Variants in CADPS2 observed in about 807,000 individuals in gnomAD.
CADPS2 encodes calcium-dependent secretion activator 2.
CADPS2 carries 93 observed loss-of-function variants against 172.5 expected under a neutral mutation model. That is an observed-to-expected ratio of 0.54 (90% confidence interval 0.46 to 0.64). CADPS2 has a LOEUF of 0.64. Ranked by LOEUF, CADPS2 falls within the 30% of genes least tolerant of loss-of-function variation. CADPS2 has a pLI of 0.00. For synonymous variants in CADPS2, 546 were observed against 555.2 expected (o/e 0.98, Z 0.23); for missense variants, 1,420 against 1,565.9 (o/e 0.91, Z 1.57).
intron 1 of CADPS2, chr7:122,849,820 C>T (rs1366832268): frequency 5.5e-6 from 3 of 548,212 alleles, no homozygotes; most frequent in Non-Finnish European, 1.1e-5. Flanking sequence ...TCAGCACCAT[C>T]AACTATGATG....
At chr7:122,424,793 G>C (rs1289627191) in intron 17 of CADPS2, among the ~76,000 whole-genome samples, 2 of 145,402 alleles carry the variant, frequency 1.4e-5, no homozygotes, top group African/African-American at 5.1e-5. Context: ...AGCTCTCACA[G>C]GGACGAATAT....
intron 1 of CADPS2, among the ~76,000 whole-genome samples, chr7:122,764,557 C>T (rs1297578297): frequency 6.6e-6 from 1 of 150,602 alleles, no homozygotes; most frequent in Non-Finnish European, 1.5e-5. Flanking sequence ...TGTGTAAACA[C>T]AGTGTAAGAT....
intron 27 of CADPS2, among the ~76,000 whole-genome samples, chr7:122,353,109 A>G (rs769662321): frequency 7.2e-5 from 11 of 152,092 alleles, no homozygotes; most frequent in Non-Finnish European, 1.3e-4. Flanking sequence ...TGCAGAAGTG[A>G]TTGTGTTTTT....
Position 122,345,686 on chromosome 7 carries a change from T to G in CADPS2, c.3505-5A>C, listed in dbSNP as rs756040315. The stretch of plus-strand genomic sequence containing the variant: ...TGCCAGATCCATTCCTGGTTTCTGT[T>G]GTGAAGGAAAAGCAGGGGGAACAAA... On this transcript the variant is annotated splice_polypyrimidine_tract_variant and splice_region_variant and intron_variant, in intron 27 of 29. Coordinates refer to ENST00000449022, the MANE Select transcript of CADPS2 (RefSeq NM_017954.11). 1.3e-6 allele frequency: 2 copies of G among 1,581,618 alleles called. No homozygotes were observed. Among genetic ancestry groups the G allele is most frequent in the Admixed American group, 1.7e-5 (1 of 58,366 alleles).
At chr7:122,853,896 C>G (rs888770677) in intron 1 of CADPS2, among the ~76,000 whole-genome samples, 2 of 152,154 alleles carry the variant, frequency 1.3e-5, no homozygotes, top group African/African-American at 4.8e-5. Flanking sequence ...CAAGCATTCT[C>G]TTACTTGGCG....
chr7:122,681,205 C>T, intron 2 of CADPS2: 3 of 638,960 alleles, frequency 4.7e-6, no homozygotes, highest in Non-Finnish European at 8.4e-6. Flanking sequence ...GTGCAGTGCA[C>T]CAGCATGGCA....
intron 1 of CADPS2, among the ~76,000 whole-genome samples, chr7:122,763,314 A>G (rs2138824840): frequency 6.6e-6 from 1 of 152,312 alleles, no homozygotes; most frequent in Middle Eastern, 3.4e-3. Context: ...TCCTCCCCAG[A>G]AAGAAAGAAA....
intron 3 of CADPS2, among the ~76,000 whole-genome samples, chr7:122,656,843 A>T (rs753268447): frequency 4.8e-4 from 73 of 152,250 alleles, no homozygotes; most frequent in African/African-American, 9.4e-4. Flanking sequence ...TTGGCTTTTG[A>T]CGCCATTGCT....
In CADPS2 at chr7:122,477,078, GA is replaced by G. The variant is rs2056779773; in HGVS notation, c.1862-2562del. On this transcript the variant is annotated intron_variant, in intron 12 of 29. Coordinates refer to ENST00000449022, the MANE Select transcript of CADPS2 (RefSeq NM_017954.11). Reference sequence around the variant, plus strand: ...AGAGAGAGAGAGAGAGAGAGAGAGAGAGAGGGAGAGAGAGAGGTAGGTAGAT... The same window carrying G: ...AGAGAGAGAGAGAGAGAGAGAGAGAGGAGGGAGAGAGAGAGGTAGGTAGAT... Among the ~76,000 whole-genome samples, 22 of 150,166 alleles carry G rather than the reference GA, an allele frequency of 1.5e-4. No homozygotes were observed. The East Asian group carries it at 2.4e-3, about 16-fold the overall frequency.
intron 2 of CADPS2, among the ~76,000 whole-genome samples, chr7:122,732,490 C>T (rs538987009): frequency 4.7e-5 from 7 of 149,728 alleles, no homozygotes; most frequent in East Asian, 3.9e-4. Flanking sequence ...GTATATACTA[C>T]GAGTACAAAG....
chr7:122,379,350 G>A lies in CADPS2; in HGVS notation c.3387+18C>T, dbSNP rs1419693672. 1 of 1,476,632 alleles carries A rather than the reference G, an allele frequency of 6.8e-7. No homozygotes were observed. The allele number at this position is 1,476,632 out of a possible 1,614,324, so 91.5% of individuals were successfully genotyped here. ...ATTTTTCACTTTGATTTAAAAAGGT[G>A]AATAAATAATACATTACCTTTGAAA... On this transcript the variant is annotated intron_variant, in intron 25 of 29. Transcript: ENST00000449022.
intron 2 of CADPS2, among the ~76,000 whole-genome samples, chr7:122,699,998 C>T (rs373184579): frequency 2.0e-5 from 3 of 152,166 alleles, no homozygotes; most frequent in East Asian, 1.9e-4. Context: ...GAAGATTCCA[C>T]AGGCTCTGTC....
intron 6 of CADPS2, among the ~76,000 whole-genome samples, chr7:122,605,885 T>C (rs2073458913): frequency 6.6e-6 from 1 of 152,146 alleles, no homozygotes; most frequent in Non-Finnish European, 1.5e-5. Context: ...TTAATTTTAA[T>C]CCAGGATTTT....
At chr7:122,405,491 C>T (rs570895200) in intron 20 of CADPS2, among the ~76,000 whole-genome samples, 7 of 152,124 alleles carry the variant, frequency 4.6e-5, no homozygotes, top group African/African-American at 1.7e-4. Context: ...GGTGGAACCC[C>T]GTCTCTACCA....
At chr7:122,415,909 G>C (rs1351161984) in intron 18 of CADPS2, 152 bp downstream of exon 18, 2 of 472,356 alleles carry the variant, frequency 4.2e-6, no homozygotes, top group African/African-American at 1.9e-5. Flanking sequence ...GGGATGTACA[G>C]TGATGCAGTG....
At chr7:122,772,691 G>A (rs1039927736) in intron 1 of CADPS2, among the ~76,000 whole-genome samples, 2 of 152,098 alleles carry the variant, frequency 1.3e-5, no homozygotes, top group African/African-American at 2.4e-5. Flanking sequence ...TCTTTACTGA[G>A]ATTTAAAGGA....
At chr7:122,548,137 G>A (rs1462241143) in intron 8 of CADPS2, among the ~76,000 whole-genome samples, 2 of 152,076 alleles carry the variant, frequency 1.3e-5, no homozygotes, top group Non-Finnish European at 2.9e-5. Flanking sequence ...GGAGGCTGAG[G>A]AAGGAGGATC....
chr7:122,798,092 T>G (rs544308032), intron 1 of CADPS2, among the ~76,000 whole-genome samples: 50 of 152,202 alleles, frequency 3.3e-4, no homozygotes, highest in Admixed American at 3.3e-3. Context: ...AGTTTTCCAA[T>G]GCAGTTGTTG....
chr7:122,575,837 T>A (rs956466258), intron 7 of CADPS2, among the ~76,000 whole-genome samples: 2 of 152,220 alleles, frequency 1.3e-5, no homozygotes, highest in Non-Finnish European at 2.9e-5. Context: ...ATAGACGTTT[T>A]ACGTTTTAGA....
Sources: gnomAD v4.1 joint callset for allele counts (sites outside exome capture counted in the v4.1 genomes callset) on GRCh38, gnomAD v4.1.1 for gene constraint, MANE v1.5 for transcripts, NCBI Gene and HGNC (gene_info 2026-07-23, HGNC 2026-07-21) for gene names.